Variants in MICU1 observed in about 807,000 individuals in gnomAD.
The protein encoded by MICU1 is calcium uptake protein 1, mitochondrial.
A neutral mutation model predicts 56.8 loss-of-function variants in MICU1; 45 were observed. That is an observed-to-expected ratio of 0.79 (90% CI 0.62 to 1.02). The LOEUF (loss-of-function observed/expected upper bound fraction) is 1.02, where lower values mean the gene tolerates loss of function less well. MICU1 is among the 50% of genes least tolerant of loss of function. MICU1 has a pLI of 0.00. For missense variants in MICU1, 504 were observed against 587.1 expected, an observed-to-expected ratio of 0.86 and a Z score of 1.46; for synonymous variants, 186 against 195.1, an observed-to-expected ratio of 0.95 and a Z score of 0.39.
intron 8 of MICU1, among the ~76,000 whole-genome samples, chr10:72,462,444 C>T (rs1865666423): frequency 6.6e-6 from 1 of 152,072 alleles, no homozygotes; most frequent in Non-Finnish European, 1.5e-5. Context: ...TAGTGTCTGA[C>T]TCATGGTAAG....
chr10:72,409,627 G>A lies in MICU1; in HGVS notation c.1072-1590C>T, dbSNP rs941924554. Among the ~76,000 whole-genome samples the A allele has an allele frequency of 5.9e-5, 9 of 152,206 alleles. 1 individual carries two copies. The South Asian group carries it at 1.9e-3, about 31-fold the overall frequency. ...GATCGCTTGAGCCTGGGAGGCAGAGGTTGCAGGGAGCTGAGATCATGCCAC... is the reference window on the plus strand; with the variant it reads ...GATCGCTTGAGCCTGGGAGGCAGAGATTGCAGGGAGCTGAGATCATGCCAC... On this transcript the variant is annotated intron_variant, in intron 9 of 11. Transcript: ENST00000361114.
At chr10:72,428,131 C>T (rs1864409756) in intron 8 of MICU1, among the ~76,000 whole-genome samples, 1 of 152,166 alleles carries the variant, frequency 6.6e-6, no homozygotes, top group South Asian at 2.1e-4. Flanking sequence ...ATTGCAAACA[C>T]TAACAAGGTT....
intron 8 of MICU1, among the ~76,000 whole-genome samples, chr10:72,454,888 G>C (rs1444486888): frequency 6.6e-6 from 1 of 152,080 alleles, no homozygotes; most frequent in Non-Finnish European, 1.5e-5. Flanking sequence ...GGAGTTTTGG[G>C]AAAAACCTAG....
At chr10:72,566,545 T>A in intron 2 of MICU1, 88 bp downstream of exon 2, 1 of 1,342,910 alleles carries the variant, frequency 7.4e-7, no homozygotes, top group Non-Finnish European at 1.0e-6. Flanking sequence ...GATACAGAGT[T>A]AAGCCAGAAA....
At chr10:72,569,402 T>C (rs1263343597) in intron 1 of MICU1, among the ~76,000 whole-genome samples, 2 of 150,614 alleles carry the variant, frequency 1.3e-5, no homozygotes, top group Non-Finnish European at 3.0e-5. Flanking sequence ...GCCTGGCTAA[T>C]TTTTGCATTT....
intron 10 of MICU1, among the ~76,000 whole-genome samples, chr10:72,386,010 C>T (rs1589158588): frequency 2.6e-5 from 4 of 152,142 alleles, no homozygotes; most frequent in South Asian, 2.1e-4. Flanking sequence ...ATTCTGCCAA[C>T]AGCAGGAAAG....
intron 1 of MICU1, among the ~76,000 whole-genome samples, chr10:72,617,440 T>C (rs1842009106): frequency 6.6e-6 from 1 of 152,152 alleles, no homozygotes; most frequent in African/African-American, 2.4e-5. Flanking sequence ...CTGATATCCA[T>C]TACCTTATTT....
At chr10:72,377,183 G>A (rs778399571) in intron 10 of MICU1, among the ~76,000 whole-genome samples, 6 of 151,892 alleles carry the variant, frequency 4.0e-5, no homozygotes, top group African/African-American at 1.2e-4. Flanking sequence ...GCAGTGGCAC[G>A]ATCTCGGCTC....
intron 5 of MICU1, among the ~76,000 whole-genome samples, chr10:72,517,302 AC>A (rs1867676453): frequency 6.6e-6 from 1 of 152,210 alleles, no homozygotes; most frequent in Non-Finnish European, 1.5e-5. Context: ...GAGTCATTAT[AC>A]AAAAAAGATA....
chr10:72,594,109 G>T (rs1841303307), intron 1 of MICU1, among the ~76,000 whole-genome samples: 1 of 152,200 alleles, frequency 6.6e-6, no homozygotes, highest in Admixed American at 6.6e-5. Context: ...CCTGATTTCA[G>T]AACTTATTAC....
chr10:72,398,971 C>G, intron 10 of MICU1, among the ~76,000 whole-genome samples: 1 of 152,152 alleles, frequency 6.6e-6, no homozygotes, highest in Non-Finnish European at 1.5e-5. Context: ...GATACCAAAG[C>G]CTGGCAGAGA....
intron 1 of MICU1, among the ~76,000 whole-genome samples, chr10:72,602,707 A>G (rs1460946156): frequency 6.6e-6 from 1 of 152,256 alleles, no homozygotes. Flanking sequence ...ATACCATTGA[A>G]CATGCAGCAT....
At chr10:72,615,161 A>C (rs568000869) in intron 1 of MICU1, among the ~76,000 whole-genome samples, 1 of 152,228 alleles carries the variant, frequency 6.6e-6, no homozygotes, top group South Asian at 2.1e-4. Context: ...TCTGTTGCCT[A>C]GGCTAGAGTG....
intron 8 of MICU1, among the ~76,000 whole-genome samples, chr10:72,451,482 G>T (rs1208028666): frequency 6.6e-6 from 1 of 152,194 alleles, no homozygotes; most frequent in East Asian, 1.9e-4. Context: ...AAAGGCAGCA[G>T]AGATCTACCT....
At chr10:72,374,406 A>G (rs1416735426) in intron 11 of MICU1, among the ~76,000 whole-genome samples, 2 of 152,188 alleles carry the variant, frequency 1.3e-5, no homozygotes, top group Non-Finnish European at 2.9e-5. Context: ...GATTACAGGT[A>G]TGAGCCACCA....
At chr10:72,547,491 T>C (rs1839924615) in intron 4 of MICU1, among the ~76,000 whole-genome samples, 2 of 150,850 alleles carry the variant, frequency 1.3e-5, no homozygotes, top group South Asian at 4.2e-4. Flanking sequence ...CTCTAACTCA[T>C]CACTATCAAT....
At chr10:72,372,188 G>A (rs1000606181) in intron 11 of MICU1, among the ~76,000 whole-genome samples, 9 of 151,956 alleles carry the variant, frequency 5.9e-5, no homozygotes, top group African/African-American at 1.9e-4. Flanking sequence ...GGGCAACATC[G>A]CAAGACTCTT....
chr10:72,542,569 C>T (rs558123270), intron 4 of MICU1, among the ~76,000 whole-genome samples: 29 of 152,304 alleles, frequency 1.9e-4, no homozygotes, highest in South Asian at 1.9e-3. Context: ...AAACGCCGTA[C>T]GGGCCACGCA....
intron 8 of MICU1, among the ~76,000 whole-genome samples, chr10:72,447,241 A>G (rs1865134506): frequency 6.6e-6 from 1 of 152,204 alleles, no homozygotes; most frequent in Admixed American, 6.6e-5. Flanking sequence ...ATAATGTACA[A>G]AATGCTTCCG....
Sources: allele counts gnomAD v4.1 joint callset (sites outside exome capture counted in the v4.1 genomes callset), GRCh38; gene constraint gnomAD v4.1.1; transcripts MANE v1.5; gene names NCBI Gene and HGNC (gene_info 2026-07-23, HGNC 2026-07-21).